NCR1: variants seen among roughly 807,000 people sequenced by gnomAD.
NCR1 encodes the protein NK cell-activating receptor.
Under a neutral mutation model 32.5 loss-of-function variants are expected in NCR1, and 30 were observed. That is an observed-to-expected ratio of 0.92 (90% CI 0.69 to 1.25). The LOEUF (loss-of-function observed/expected upper bound fraction) is 1.25, where lower values mean the gene tolerates loss of function less well. Ranked by LOEUF, NCR1 falls within the 50% of genes most tolerant of loss-of-function variation. The probability of loss-of-function intolerance (pLI) is 0.00; values close to 1 mark genes in which losing one functional copy is unlikely to be tolerated. For synonymous variants in NCR1, 169 were observed against 143.4 expected, an observed-to-expected ratio of 1.18 and a Z score of -1.28; for missense variants, 369 against 380.7, an observed-to-expected ratio of 0.97 and a Z score of 0.26.
intron 4 of NCR1, among the ~76,000 whole-genome samples, chr19:54,909,777 A>AC (rs1282072831): frequency 1.3e-5 from 2 of 151,856 alleles, no homozygotes; most frequent in Admixed American, 6.6e-5. Flanking sequence ...TCTACTAAAA[A>AC]TACAGAAATT....
At chr19:54,934,408 G>A in the NCR1 span, 30 of 1,384,744 alleles carry the variant, frequency 2.2e-5, no homozygotes, top group African/African-American at 2.2e-4. The surrounding 1 kb of genome is among the most constrained non-coding windows in gnomAD (Gnocchi z 6.7). Context: ...CACGTGGGTG[G>A]CGCAGTAAGT....
upstream of NCR1, among the ~76,000 whole-genome samples, chr19:54,903,339 TATACATATATGC>T (rs1483276439): frequency 7.7e-6 from 1 of 129,166 alleles, no homozygotes; most frequent in African/African-American, 3.3e-5. Flanking sequence ...CATGTATGTA[TATACATATATGC>T]ATATATACAT....
chr19:54,919,345 AAG>A (rs1199950535), downstream of NCR1, among the ~76,000 whole-genome samples: 1 of 152,232 alleles, frequency 6.6e-6, no homozygotes, highest in African/African-American at 2.4e-5. Context: ...GGGCAGGGTA[AAG>A]AGTGTGAGTC....
the NCR1 span, among the ~76,000 whole-genome samples, chr19:54,898,355 G>C: frequency 6.6e-6 from 1 of 152,208 alleles, no homozygotes. Context: ...GCAAGCTCCT[G>C]GGGGAAGAGG....
In NCR1 at chr19:54,906,340, T is replaced by C. The variant is rs1351746966; in HGVS notation, c.70+6T>C. On this transcript the variant is annotated splice_donor_region_variant and intron_variant, in intron 2 of 6. Coordinates refer to ENST00000291890, the MANE Select transcript of NCR1 (RefSeq NM_004829.7). ...GAGGATCAGCGCCCAGCAGCGTGAG[T>C]CCTTCCTTCAAAGCCCAGGGTCACT... 6.2e-7 allele frequency: 1 copy of C among 1,613,250 alleles called. No individual in the cohort carries two copies. Among genetic ancestry groups the C allele is most frequent in the Admixed American group, 1.7e-5 (1 of 60,000 alleles).
At chr19:54,919,297 T>C (rs1160303391), downstream of NCR1, among the ~76,000 whole-genome samples, 3 of 150,896 alleles carry the variant, frequency 2.0e-5, no homozygotes, top group Admixed American at 6.6e-5. Flanking sequence ...GCCCCGAATG[T>C]CTGGCTGCGC....
chr19:54,914,981 G>A (rs2068104733), downstream of NCR1, among the ~76,000 whole-genome samples: 3 of 152,046 alleles, frequency 2.0e-5, no homozygotes. Flanking sequence ...GAGTTCAGGT[G>A]ATCCCCCCGC....
Position 54,906,528 on chromosome 19 carries a change from C to T in NCR1, c.76C>T (p.Leu26Phe). Residue 26 changes from leucine to phenylalanine, a missense_variant, in exon 3 of 7, where the codon CTC becomes TTC. Coordinates refer to ENST00000291890, the MANE Select transcript of NCR1 (RefSeq NM_004829.7). ...AGCCTCTGATTCCCTTCCAGAGACTCTCCCAAAACCGTTCATCTGGGCCGA... is the reference window on the plus strand; with the variant it reads ...AGCCTCTGATTCCCTTCCAGAGACTTTCCCAAAACCGTTCATCTGGGCCGA... ...SQRISAQQQT[L>F]PKPFIWAEPH... The T allele has an allele frequency of 6.2e-7, 1 of 1,606,964 alleles. No individual in the cohort carries two copies. The highest frequency in any genetic ancestry group is 8.5e-7 in the Non-Finnish European group (1 of 1,179,934).
At chr19:54,906,877 T>A in intron 3 of NCR1, 70 bp downstream of exon 3, 1 of 1,549,316 alleles carries the variant, frequency 6.5e-7, no homozygotes, top group Non-Finnish European at 8.8e-7. Context: ...ATCTATGAAC[T>A]CTTCCAAGCC....
upstream of NCR1, among the ~76,000 whole-genome samples, chr19:54,905,017 C>G (rs1276537402): frequency 6.6e-6 from 1 of 152,184 alleles, no homozygotes; most frequent in African/African-American, 2.4e-5. Context: ...CATGTCTTCA[C>G]TATTGTGAAT....
chr19:54,924,912 G>A, the NCR1 span, among the ~76,000 whole-genome samples: 2 of 152,148 alleles, frequency 1.3e-5, no homozygotes, highest in Admixed American at 1.3e-4. Context: ...ACTGCAGCCC[G>A]GGTGACAGAG....
Position 54,913,044 on chromosome 19 carries a change from A to G in NCR1, c.*173A>G, listed in dbSNP as rs945662962. On this transcript the variant is annotated 3_prime_UTR_variant, in exon 7 of 7. Coordinates refer to ENST00000291890, the MANE Select transcript of NCR1 (RefSeq NM_004829.7). ...ACGATGCAGAGGGTGGGAGAACTAC[A>G]TGCTAAATTTCTTTTTTTTTTTTTT... 7.5e-6 allele frequency: 4 copies of G among 532,892 alleles called. No individual in the cohort carries two copies. The highest frequency in any genetic ancestry group is 9.3e-6 in the Non-Finnish European group (3 of 320,918). 33.0% of individuals were successfully genotyped at this position (532,892 alleles called of 1,614,324 possible). A position where few individuals can be genotyped will look rare whatever the true frequency, so the allele number is the denominator to read the frequency against.
chr19:54,924,932 G>A, the NCR1 span, among the ~76,000 whole-genome samples: 2 of 152,088 alleles, frequency 1.3e-5, no homozygotes, highest in African/African-American at 2.4e-5. Context: ...GCGAGACTCT[G>A]CCTCCAAATA....
At chr19:54,903,135 G>GA (rs975297638), upstream of NCR1, among the ~76,000 whole-genome samples, 178 of 143,898 alleles carry the variant, frequency 1.2e-3, 3 homozygotes, top group East Asian at 0.026. Context: ...GTCTTAAAGA[G>GA]AAAAAAAAAA....
chr19:54,934,236 C>T, the NCR1 span, among the ~76,000 whole-genome samples: 28 of 152,134 alleles, frequency 1.8e-4, no homozygotes, highest in East Asian at 3.9e-4. The surrounding 1 kb of genome is among the most constrained non-coding windows in gnomAD (Gnocchi z 6.7). Flanking sequence ...CCACCGCACC[C>T]GGCCTGTTTT....
the NCR1 span, chr19:54,936,336 A>T: frequency 6.2e-7 from 1 of 1,614,066 alleles, no homozygotes; most frequent in Non-Finnish European, 8.5e-7. Flanking sequence ...TTCCCACTCG[A>T]TGTGCCCTGC....
At chr19:54,927,812 G>T in the NCR1 span, 2 of 1,595,614 alleles carry the variant, frequency 1.3e-6, no homozygotes, top group South Asian at 1.1e-5. Flanking sequence ...CGCATTCACT[G>T]AGCAGGTAGT....
chr19:54,914,176 T>C (rs796584505), downstream of NCR1, among the ~76,000 whole-genome samples: 8,819 of 143,062 alleles, frequency 0.062, 590 homozygotes, highest in African/African-American at 0.18. Context: ...TTTTTTTTTT[T>C]TTCTTTTTTT....
chr19:54,909,567 T>A, intron 4 of NCR1, 44 bp downstream of exon 4: 1 of 1,568,052 alleles, frequency 6.4e-7, no homozygotes, highest in Non-Finnish European at 8.6e-7. Flanking sequence ...CGCCATGTGC[T>A]ACCTGGAGCC....
Sources: allele counts gnomAD v4.1 joint callset (sites outside exome capture counted in the v4.1 genomes callset), GRCh38; gene constraint gnomAD v4.1.1; non-coding constraint Gnocchi (gnomAD v3.1); transcripts MANE v1.5; gene names NCBI Gene and HGNC (gene_info 2026-07-23, HGNC 2026-07-21).